Variants in RAB3GAP1 observed in about 807,000 individuals in gnomAD.
RAB3GAP1 encodes the protein RAB3 GTPase activating protein catalytic subunit 1.
RAB3GAP1 carries 86 observed loss-of-function variants against 130.7 expected under a neutral mutation model. The ratio of observed to expected loss-of-function variants is 0.66; its 90% CI spans 0.55 to 0.79. The LOEUF (loss-of-function observed/expected upper bound fraction) is 0.79. Ranked by LOEUF, RAB3GAP1 falls within the 30% of genes least tolerant of loss-of-function variation. RAB3GAP1 has a pLI of 0.00. For missense variants in RAB3GAP1, 1,029 were observed against 1,169.4 expected, an observed-to-expected ratio of 0.88 and a Z score of 1.75; for synonymous variants, 367 against 401.7, an observed-to-expected ratio of 0.91 and a Z score of 1.03.
intron 4 of RAB3GAP1, among the ~76,000 whole-genome samples, 168 bp from the exon 5 acceptor site, chr2:135,093,447 T>G (rs1574102332): frequency 6.6e-6 from 1 of 151,978 alleles, no homozygotes; most frequent in Non-Finnish European, 1.5e-5. Flanking sequence ...GAAAAAAAAA[T>G]GAGAGAGAAA....
At chr2:135,073,272 A>G (rs1689529044) in intron 3 of RAB3GAP1, among the ~76,000 whole-genome samples, 1 of 152,204 alleles carries the variant, frequency 6.6e-6, no homozygotes, top group African/African-American at 2.4e-5. Context: ...AGGATTTGGA[A>G]GAGTGTTGCT....
intron 5 of RAB3GAP1, among the ~76,000 whole-genome samples, chr2:135,103,187 C>T (rs1690503551): frequency 1.3e-5 from 2 of 151,520 alleles, no homozygotes; most frequent in Non-Finnish European, 2.9e-5. Context: ...CAGGCATATG[C>T]CACCAAGCCT....
At chr2:135,052,891 G>T (rs879838661) in intron 2 of RAB3GAP1, among the ~76,000 whole-genome samples, 8 of 152,214 alleles carry the variant, frequency 5.3e-5, no homozygotes, top group Admixed American at 3.3e-4. Flanking sequence ...CTCATCCCGT[G>T]TACGTTGGTA....
chr2:135,113,344 A>C, intron 6 of RAB3GAP1, 74 bp downstream of exon 6: 1 of 1,562,690 alleles, frequency 6.4e-7, no homozygotes, highest in Non-Finnish European at 8.8e-7. Flanking sequence ...AACAGTTATT[A>C]AATGTTAGCT....
In RAB3GAP1 at chr2:135,169,939, A is replaced by G. The variant is rs2105010518; in HGVS notation, c.*1158A>G. Reference sequence around the variant, plus strand: ...TAAACCTTGCCTGTGTAATTTTAAAAAATTAATAGAGCTGTGCAAACCCTG... The same window carrying G: ...TAAACCTTGCCTGTGTAATTTTAAAGAATTAATAGAGCTGTGCAAACCCTG... On this transcript the variant is annotated 3_prime_UTR_variant, in exon 24 of 24. Coordinates refer to ENST00000264158, the MANE Select transcript of RAB3GAP1 (RefSeq NM_012233.3). 1 of 320,696 alleles carries G rather than the reference A, an allele frequency of 3.1e-6. No individual in the cohort carries two copies. The highest frequency in any genetic ancestry group is 6.1e-6 in the Non-Finnish European group (1 of 162,830). The allele number at this position is 320,696 out of a possible 1,614,324, so 19.9% of individuals were successfully genotyped here. A position where few individuals can be genotyped will look rare whatever the true frequency, so the allele number is the denominator to read the frequency against.
intron 17 of RAB3GAP1, among the ~76,000 whole-genome samples, chr2:135,149,875 T>TAACCTGAC (rs1329605119): frequency 1.7e-4 from 26 of 152,140 alleles, no homozygotes; most frequent in South Asian, 2.1e-4. Flanking sequence ...GCCAGGATGG[T>TAACCTGAC]CTCGATCTCC....
chr2:135,104,699 A>AAAAT (rs59733454), intron 5 of RAB3GAP1, among the ~76,000 whole-genome samples: 9,688 of 148,798 alleles, frequency 0.065, 570 homozygotes, highest in African/African-American at 0.15. Context: ...CTAAAAATAC[A>AAAAT]AAATAAATAA....
intron 3 of RAB3GAP1, among the ~76,000 whole-genome samples, chr2:135,080,522 C>T (rs1185150372): frequency 1.3e-5 from 2 of 152,114 alleles, no homozygotes; most frequent in African/African-American, 4.8e-5. Context: ...GATCTGAGTG[C>T]CCGAGATGAT....
intron 6 of RAB3GAP1, among the ~76,000 whole-genome samples, chr2:135,114,038 C>T (rs772158420): frequency 6.6e-6 from 1 of 152,218 alleles, no homozygotes; most frequent in Non-Finnish European, 1.5e-5. Context: ...GTGTAAGCGA[C>T]TGTGCCCAGT....
chr2:135,160,817 TAATAA>T (rs1384939406), intron 19 of RAB3GAP1, among the ~76,000 whole-genome samples: 1 of 152,000 alleles, frequency 6.6e-6, no homozygotes, highest in Admixed American at 6.6e-5. Context: ...TTTGATTATA[TAATAA>T]AATATTTTTA....
downstream of RAB3GAP1, among the ~76,000 whole-genome samples, chr2:135,173,571 AAAG>A (rs1338072786): frequency 6.6e-6 from 1 of 152,152 alleles, no homozygotes; most frequent in Non-Finnish European, 1.5e-5. Context: ...TCTTACTGGG[AAAG>A]AATAGAGAAG....
At chr2:135,106,097 G>C (rs953104413) in intron 5 of RAB3GAP1, among the ~76,000 whole-genome samples, 1 of 152,048 alleles carries the variant, frequency 6.6e-6, no homozygotes, top group Non-Finnish European at 1.5e-5. Flanking sequence ...TCCGGGAGGT[G>C]GGGGTCAGCC....
At position 135,162,494 on chromosome 2, in the gene RAB3GAP1, A is replaced by G. The variant is rs780154425; in HGVS notation, c.2290-61A>G. Reference sequence around the variant, plus strand: ...GTGGCTGAGGATTTGCACTTCTGTAAGTGGCTGCTTCATCCTTTGACACCT... The same window carrying G: ...GTGGCTGAGGATTTGCACTTCTGTAGGTGGCTGCTTCATCCTTTGACACCT... On this transcript the variant is annotated intron_variant, in intron 19 of 23. Transcript: ENST00000264158. The G allele has an allele frequency of 5.4e-6, 7 of 1,303,764 alleles. No individual in the cohort carries two copies. The African/African-American group carries it at 1.0e-4, about 19-fold the overall frequency. The allele number at this position is 1,303,764 out of a possible 1,614,324, so 80.8% of individuals were successfully genotyped here. A position where few individuals can be genotyped will look rare whatever the true frequency, so the allele number is the denominator to read the frequency against.
rs1690747220 is a variant in RAB3GAP1, at chr2:135,109,842, A to G, written c.363-3309A>G. Among the ~76,000 whole-genome samples the G allele has an allele frequency of 2.0e-5, 3 of 152,136 alleles. No individual in the cohort carries two copies. The South Asian group carries it at 6.2e-4, about 32-fold the overall frequency. The stretch of plus-strand genomic sequence containing the variant: ...CATGGTCCGCCTGCCTCGGCCTCCC[A>G]AAGTGCTGGGATTACAGGTGTGAGC... On this transcript the variant is annotated intron_variant, in intron 5 of 23. Coordinates refer to ENST00000264158, the MANE Select transcript of RAB3GAP1 (RefSeq NM_012233.3).
At chr2:135,080,914 G>A (rs1003761276) in intron 3 of RAB3GAP1, among the ~76,000 whole-genome samples, 1 of 152,128 alleles carries the variant, frequency 6.6e-6, no homozygotes, top group Non-Finnish European at 1.5e-5. Flanking sequence ...CAGGCTGAAG[G>A]CCAGCCAGGC....
intron 5 of RAB3GAP1, among the ~76,000 whole-genome samples, chr2:135,105,249 C>T (rs1401662565): frequency 1.5e-5 from 2 of 135,534 alleles, no homozygotes; most frequent in East Asian, 2.5e-4. Context: ...CCTTCCCCCT[C>T]CCCCTCTCTC....
chr2:135,134,640 A>G (rs1156985901), intron 15 of RAB3GAP1, among the ~76,000 whole-genome samples: 1 of 152,232 alleles, frequency 6.6e-6, no homozygotes, highest in Non-Finnish European at 1.5e-5. Flanking sequence ...TTTGAGCAAT[A>G]TAAAATGATT....
At chr2:135,057,488 G>A (rs556651749) in intron 2 of RAB3GAP1, among the ~76,000 whole-genome samples, 22 of 152,114 alleles carry the variant, frequency 1.4e-4, no homozygotes, top group Admixed American at 3.9e-4. Context: ...TGCAACGTCC[G>A]CTTCTATGTG....
At position 135,053,660 on chromosome 2, in the gene RAB3GAP1, CAGTA is replaced by C. The variant is rs370611017; in HGVS notation, c.74+1178_74+1181del. Among the ~76,000 whole-genome samples the C allele has an allele frequency of 2.2e-4, 33 of 152,216 alleles. No homozygotes were observed. The South Asian group carries it at 5.8e-3, about 27-fold the overall frequency. On this transcript the variant is annotated intron_variant, in intron 2 of 23. Transcript: ENST00000264158. The stretch of plus-strand genomic sequence containing the variant: ...CCTGTGGTACCCTTCATAAAAGTGT[CAGTA>C]AGACATAACCACACTGGCAAGACTT...
Sources: gnomAD v4.1 joint callset for allele counts (sites outside exome capture counted in the v4.1 genomes callset) on GRCh38, gnomAD v4.1.1 for gene constraint, MANE v1.5 for transcripts, NCBI Gene and HGNC (gene_info 2026-07-23, HGNC 2026-07-21) for gene names.